Variants in CREB5 observed in about 807,000 individuals in gnomAD.
CREB5 encodes cAMP responsive element binding protein 5, also known as cyclic AMP-responsive element-binding protein 5.
A neutral mutation model predicts 57.1 loss-of-function variants in CREB5; 19 were observed. That is an observed-to-expected ratio of 0.33 (90% CI 0.23 to 0.49). The LOEUF is 0.49. Ranked by LOEUF, CREB5 falls within the 20% of genes least tolerant of loss-of-function variation. The pLI, the probability that CREB5 is intolerant of heterozygous loss-of-function variation, is 0.99. For missense variants in CREB5, 579 were observed against 671.6 expected, an observed-to-expected ratio of 0.86 and a Z score of 1.52; for synonymous variants, 238 against 238.3, an observed-to-expected ratio of 1.00 and a Z score of 0.01.
intron 5 of CREB5, among the ~76,000 whole-genome samples, chr7:28,593,797 C>T (rs1255939529): frequency 6.6e-6 from 1 of 152,180 alleles, no homozygotes; most frequent in Non-Finnish European, 1.5e-5. Context: ...AATGTGCTGA[C>T]TTAGCCAGAG....
At chr7:28,339,737 T>G (rs1785896668) in intron 1 of CREB5, among the ~76,000 whole-genome samples, 1 of 152,224 alleles carries the variant, frequency 6.6e-6, no homozygotes, top group South Asian at 2.1e-4. Context: ...AAGTTTCTCC[T>G]GGCCCCAGGC....
intron 1 of CREB5, among the ~76,000 whole-genome samples, chr7:28,356,028 CG>C (rs1786334053): frequency 6.6e-6 from 1 of 152,144 alleles, no homozygotes; most frequent in African/African-American, 2.4e-5. Flanking sequence ...ACACTAATTA[CG>C]GGTAAGAGCT....
chr7:28,780,370 T>C (rs1806902606), intron 7 of CREB5, among the ~76,000 whole-genome samples: 1 of 152,160 alleles, frequency 6.6e-6, no homozygotes, highest in Admixed American at 6.5e-5. Flanking sequence ...AGCCTTTAAC[T>C]AAGTAGTAGA....
At chr7:28,564,003 C>G (rs1795383752) in intron 4 of CREB5, among the ~76,000 whole-genome samples, 1 of 152,180 alleles carries the variant, frequency 6.6e-6, no homozygotes, top group Admixed American at 6.5e-5. Context: ...CTGAGAGCAC[C>G]AAATGGAGGA....
intron 1 of CREB5, among the ~76,000 whole-genome samples, chr7:28,446,575 G>C (rs1004233589): frequency 6.6e-6 from 1 of 152,128 alleles, no homozygotes; most frequent in African/African-American, 2.4e-5. Context: ...GGCAGATCAC[G>C]AAGTCAGGAG....
chr7:28,658,955 A>ATATATATATATATATATATATGTGTGTG (rs1554281544), intron 5 of CREB5, among the ~76,000 whole-genome samples: 1 of 47,542 alleles, frequency 2.1e-5, no homozygotes, highest in East Asian at 4.0e-4. Flanking sequence ...GTGTGTGTGT[A>ATATATATATATATATATATATGTGTGTG]TATATATATA....
intron 4 of CREB5, among the ~76,000 whole-genome samples, chr7:28,513,189 C>A (rs1393969123): frequency 1.3e-5 from 2 of 152,212 alleles, no homozygotes; most frequent in East Asian, 3.8e-4. Flanking sequence ...TAGCCAGCAT[C>A]GCTGCTCTGT....
chr7:28,385,068 G>C lies in CREB5; in HGVS notation c.-25+85627G>C, dbSNP rs186049326. Among the ~76,000 whole-genome samples, 75 of 152,204 alleles carry C rather than the reference G, an allele frequency of 4.9e-4. 1 individual carries two copies. Among genetic ancestry groups the C allele is most frequent in the African/African-American group, 1.7e-3 (72 of 41,534 alleles). On this transcript the variant is annotated intron_variant, in intron 1 of 9. Coordinates refer to the CREB5 transcript ENST00000396299. The stretch of plus-strand genomic sequence containing the variant: ...GGTGTTTCATTTATTACGTGCATCT[G>C]TATTTTTAAAGGGAAGTATGTATAA...
At chr7:28,784,508 C>T (rs995818835) in intron 7 of CREB5, among the ~76,000 whole-genome samples, 5 of 151,926 alleles carry the variant, frequency 3.3e-5, no homozygotes, top group Non-Finnish European at 7.4e-5. Flanking sequence ...TTTTTTCCCC[C>T]TCCTGGTCTT....
intron 4 of CREB5, among the ~76,000 whole-genome samples, chr7:28,514,497 G>A (rs1004123167): frequency 1.3e-5 from 2 of 152,124 alleles, no homozygotes; most frequent in East Asian, 1.9e-4. Flanking sequence ...CCGGGTTCAC[G>A]CCATTCTCCT....
At chr7:28,380,997 G>T (rs925652043) in intron 1 of CREB5, among the ~76,000 whole-genome samples, 1 of 152,172 alleles carries the variant, frequency 6.6e-6, no homozygotes, top group Non-Finnish European at 1.5e-5. Flanking sequence ...CTAGGGATTA[G>T]TATAAAACTA....
intron 5 of CREB5, among the ~76,000 whole-genome samples, chr7:28,692,531 C>G (rs1161802675): frequency 1.3e-5 from 2 of 152,192 alleles, no homozygotes; most frequent in Non-Finnish European, 2.9e-5. Flanking sequence ...AATCACTCTT[C>G]TACTTACTGG....
intron 1 of CREB5, among the ~76,000 whole-genome samples, chr7:28,347,286 A>C (rs977104455): frequency 6.6e-6 from 1 of 152,216 alleles, no homozygotes; most frequent in Non-Finnish European, 1.5e-5. Flanking sequence ...TTTACATTAC[A>C]AAACCAGAGC....
chr7:28,781,202 T>C (rs1806952132), intron 7 of CREB5, among the ~76,000 whole-genome samples: 3 of 152,214 alleles, frequency 2.0e-5, no homozygotes, highest in Non-Finnish European at 4.4e-5. Context: ...TGGACAGATC[T>C]GTGCCCTTCG....
intron 1 of CREB5, among the ~76,000 whole-genome samples, chr7:28,300,705 C>T (rs1785085802): frequency 1.3e-5 from 2 of 152,356 alleles, no homozygotes; most frequent in South Asian, 2.1e-4. Context: ...AAACACATTT[C>T]ACACGGAGTT....
At position 28,560,953 on chromosome 7, in the gene CREB5, TGTGTGTGC is replaced by T. The variant is rs1795211141; in HGVS notation, c.292-9404_292-9397del. Among the ~76,000 whole-genome samples the T allele has an allele frequency of 1.3e-4, 6 of 47,174 alleles. 1 individual carries two copies. Among genetic ancestry groups the T allele is most frequent in the African/African-American group, 2.9e-4 (3 of 10,230 alleles). The allele number at this position is 47,174 out of a possible 152,430, so 30.9% of individuals were successfully genotyped here. On this transcript the variant is annotated intron_variant, in intron 4 of 10. Transcript: ENST00000357727. Reference sequence around the variant, plus strand: ...GCGTGTGTGCGTGCGTGTGTGTGCGTGTGTGTGCGTGTGTGTGTGCGTGTGTGCGTGCG... The same window carrying T: ...GCGTGTGTGCGTGCGTGTGTGTGCGTGTGTGTGTGTGCGTGTGTGCGTGCG...
At chr7:28,496,661 G>C (rs1469936469) in intron 3 of CREB5, among the ~76,000 whole-genome samples, 1 of 152,144 alleles carries the variant, frequency 6.6e-6, no homozygotes, top group Non-Finnish European at 1.5e-5. Flanking sequence ...AATACTCCCG[G>C]TGTCGGAGCC....
At chr7:28,503,086 C>T (rs1057332747) in intron 3 of CREB5, among the ~76,000 whole-genome samples, 3 of 152,184 alleles carry the variant, frequency 2.0e-5, no homozygotes, top group East Asian at 1.9e-4. Context: ...CGCTAAGAGT[C>T]GCATATGCAT....
intron 1 of CREB5, among the ~76,000 whole-genome samples, chr7:28,431,347 A>T (rs901110469): frequency 6.6e-6 from 1 of 152,220 alleles, no homozygotes; most frequent in African/African-American, 2.4e-5. Flanking sequence ...TATCTATGGC[A>T]TTCATAATGT....
Sources: gnomAD v4.1 joint callset for allele counts (sites outside exome capture counted in the v4.1 genomes callset) on GRCh38, gnomAD v4.1.1 for gene constraint, MANE v1.5 for transcripts, NCBI Gene and HGNC (gene_info 2026-07-23, HGNC 2026-07-21) for gene names.